ZNF280D: variants seen among roughly 807,000 people sequenced by gnomAD.
The protein encoded by ZNF280D is suppressor of hairy wing homolog 4.
In ZNF280D, 39 loss-of-function variants were observed where a neutral mutation model predicts 94.7. That is an observed-to-expected ratio of 0.41 (90% CI 0.32 to 0.54). ZNF280D has a LOEUF of 0.54. ZNF280D is among the 20% of genes least tolerant of loss of function. ZNF280D has a pLI of 0.22. For synonymous variants in ZNF280D, 398 were observed against 377.6 expected, an observed-to-expected ratio of 1.05 and a Z score of -0.63; for missense variants, 1,090 against 1,149.3, an observed-to-expected ratio of 0.95 and a Z score of 0.75.
chr15:56,700,525 T>G, intron 6 of ZNF280D: 1 of 1,030,590 alleles, frequency 9.7e-7, no homozygotes, highest in Non-Finnish European at 1.2e-6. Context: ...TGTTTTTTTT[T>G]AACTAACTGA....
intron 19 of ZNF280D, among the ~76,000 whole-genome samples, chr15:56,651,566 G>T (rs145737716): frequency 2.6e-4 from 39 of 152,028 alleles, no homozygotes; most frequent in African/African-American, 9.4e-4. Context: ...GTCTATGTAA[G>T]ACCACAAAGC....
At chr15:56,643,134 T>C (rs1459807104) in intron 19 of ZNF280D, 137 bp from the exon 20 acceptor site, 5 of 495,874 alleles carry the variant, frequency 1.0e-5, no homozygotes, top group East Asian at 3.6e-5. Context: ...TAATAGTAAA[T>C]TGACCTCTGT....
intron 1 of ZNF280D, among the ~76,000 whole-genome samples, chr15:56,728,316 G>A (rs747608322): frequency 2.6e-5 from 4 of 152,130 alleles, no homozygotes; most frequent in East Asian, 1.9e-4. Context: ...CACCACACCC[G>A]GCCTTGATAC....
intron 16 of ZNF280D, among the ~76,000 whole-genome samples, chr15:56,662,873 A>G (rs1177626857): frequency 2.0e-5 from 3 of 151,660 alleles, no homozygotes; most frequent in African/African-American, 7.3e-5. Flanking sequence ...ATAGTACACA[A>G]TTCAAAGAAA....
chr15:56,682,330 C>G lies in ZNF280D; in HGVS notation c.928G>C (p.Asp310His). Residue 310 changes from aspartate (D) to histidine (H), a missense_variant, in exon 10 of 22, where the codon GAT becomes CAT. Around this residue, in one of 3 missense-constraint regions of ZNF280D, gnomAD observed 386 missense variants for 372.0 expected, o/e 1.04. Coordinates refer to ENST00000267807, the MANE Select transcript of ZNF280D (RefSeq NM_017661.4). ...NDFYYGKHEGDVQEEQKTHTT... is the reference protein window; with the variant it reads ...NDFYYGKHEGHVQEEQKTHTT... ...TGAGTCTTCTGTTCCTCCTGGACAT[C>G]TCCTTCATGTTTTCCATAATAAAAG... The G allele has an allele frequency of 1.9e-6, 3 of 1,599,326 alleles. No individual in the cohort carries two copies. Among genetic ancestry groups the G allele is most frequent in the Non-Finnish European group, 2.6e-6 (3 of 1,176,354 alleles).
intron 1 of ZNF280D, among the ~76,000 whole-genome samples, chr15:56,720,034 A>G (rs1398693107): frequency 6.6e-6 from 1 of 152,042 alleles, no homozygotes; most frequent in Admixed American, 6.6e-5. Context: ...GGCTGTGGCA[A>G]TTTCTTAAAA....
intron 16 of ZNF280D, among the ~76,000 whole-genome samples, chr15:56,660,624 CTAAG>C (rs1455815828): frequency 6.6e-6 from 1 of 151,908 alleles, no homozygotes; most frequent in Admixed American, 6.6e-5. Flanking sequence ...AGAAATAAAT[CTAAG>C]AAAGGTTTTT....
chr15:56,705,766 A>G (rs756046043), intron 3 of ZNF280D, among the ~76,000 whole-genome samples: 17 of 147,356 alleles, frequency 1.2e-4, no homozygotes, highest in Admixed American at 9.4e-4. Flanking sequence ...TCAAACTGCT[A>G]TTTTTTCATG....
Position 56,697,818 on chromosome 15 carries a change from C to A in ZNF280D, c.381+3115G>T, listed in dbSNP as rs544223634. 2.0e-5 allele frequency: 3 copies of A among 152,134 alleles called. No homozygotes were observed. The South Asian group carries it at 6.2e-4, about 32-fold the overall frequency. 9.4% of individuals were successfully genotyped at this position (152,134 alleles called of 1,614,324 possible). ...ACTCATTACAAATTAACATAAATAA[C>A]ATTTTAATGAAAAATGACTTGCAAA... is the stretch of plus-strand genomic sequence containing the variant. On this transcript the variant is annotated intron_variant, in intron 6 of 21. Transcript: ENST00000267807.
At chr15:56,633,800 AT>A (rs1256242122) in intron 21 of ZNF280D, among the ~76,000 whole-genome samples, 1 of 152,146 alleles carries the variant, frequency 6.6e-6, no homozygotes, top group Non-Finnish European at 1.5e-5. Context: ...AAAACCTAGT[AT>A]GTTATCCAGC....
intron 12 of ZNF280D, 68 bp from the exon 13 acceptor site, chr15:56,676,884 A>G (rs1274744727): frequency 1.0e-5 from 12 of 1,200,152 alleles, no homozygotes; most frequent in Non-Finnish European, 1.4e-5. Context: ...CAAAGGAACA[A>G]TGATGGATAA....
At chr15:56,706,670 T>C (rs1366672356) in intron 3 of ZNF280D, among the ~76,000 whole-genome samples, 1 of 152,104 alleles carries the variant, frequency 6.6e-6, no homozygotes, top group Non-Finnish European at 1.5e-5. Flanking sequence ...TACTTTGTTA[T>C]GGCAGCCCTA....
intron 9 of ZNF280D, among the ~76,000 whole-genome samples, chr15:56,684,441 C>A (rs560425657): frequency 8.6e-5 from 13 of 151,916 alleles, no homozygotes; most frequent in Non-Finnish European, 1.6e-4. Context: ...GCAACTGCCT[C>A]TATTTGGAAG....
intron 6 of ZNF280D, among the ~76,000 whole-genome samples, chr15:56,696,686 A>C (rs570146246): frequency 8.2e-4 from 125 of 152,332 alleles, no homozygotes; most frequent in African/African-American, 2.9e-3. Flanking sequence ...TGACTTCCAA[A>C]ATTCAGAGAA....
intron 7 of ZNF280D, 97 bp from the exon 8 acceptor site, chr15:56,689,567 A>T: frequency 1.3e-6 from 1 of 773,614 alleles, no homozygotes; most frequent in Admixed American, 3.6e-5. Context: ...AAGGTAATAT[A>T]ATTGAATTAT....
intron 17 of ZNF280D, among the ~76,000 whole-genome samples, chr15:56,656,106 T>C (rs887500805): frequency 6.6e-6 from 1 of 152,184 alleles, no homozygotes; most frequent in African/African-American, 2.4e-5. Flanking sequence ...TTAAAACGCA[T>C]AGTTATTTAT....
chr15:56,707,411 G>C lies in ZNF280D; in HGVS notation c.-85-105C>G. 6 of 900,262 alleles carry C rather than the reference G, an allele frequency of 6.7e-6. No individual in the cohort carries two copies. The South Asian group carries it at 8.0e-5, about 12-fold the overall frequency. The allele number at this position is 900,262 out of a possible 1,614,324, so 55.8% of individuals were successfully genotyped here. ...GAGGTCAATTATGTTTGATATATCT[G>C]ATATACACATATAGTTCATTTTACA... On this transcript the variant is annotated intron_variant, in intron 1 of 21. Coordinates refer to ENST00000267807, the MANE Select transcript of ZNF280D (RefSeq NM_017661.4).
In ZNF280D at chr15:56,689,381, C is replaced by A. The variant is rs749272153; in HGVS notation, c.589G>T (p.Val197Phe). Residue 197 changes from valine (V) to phenylalanine (F), a missense_variant, in exon 8 of 22, where the codon GTT (valine) becomes TTT (phenylalanine). By Grantham distance (50) the Val-to-Phe change is conservative. This residue lies in a region of ZNF280D where 386 missense variants were observed against 372.0 expected (regional missense o/e 1.04). Coordinates refer to ENST00000267807, the MANE Select transcript of ZNF280D (RefSeq NM_017661.4). ...NPKKPKPSES[V>F]SGANSSAVLP... ...ACAGCTGAGGAATTTGCTCCAGAAA[C>A]ACTTTCGCTGGGTTTAGGCTTCTTT... 1.9e-6 allele frequency: 3 copies of A among 1,610,154 alleles called. No homozygotes were observed. The highest frequency in any genetic ancestry group is 2.5e-6 in the Non-Finnish European group (3 of 1,178,134).
intron 1 of ZNF280D, among the ~76,000 whole-genome samples, chr15:56,721,189 C>T (rs1596673127): frequency 6.6e-6 from 1 of 152,074 alleles, no homozygotes; most frequent in East Asian, 1.9e-4. Flanking sequence ...GTCTCGAACT[C>T]CTGGCTCCTG....
Sources: allele counts gnomAD v4.1 joint callset (sites outside exome capture counted in the v4.1 genomes callset), GRCh38; gene constraint gnomAD v4.1.1; regional missense constraint gnomAD v4.1.1; transcripts MANE v1.5; gene names NCBI Gene and HGNC (gene_info 2026-07-23, HGNC 2026-07-21).